NTN5: variants seen among roughly 807,000 people sequenced by gnomAD.
NTN5 encodes netrin 5, also known as netrin-5.
A neutral mutation model predicts 38.7 loss-of-function variants in NTN5; 42 were observed. The observed-to-expected ratio is 1.08, with a 90% CI of 0.85 to 1.40. The LOEUF (loss-of-function observed/expected upper bound fraction) is 1.40, where lower values mean the gene tolerates loss of function less well. Among genes scored for constraint, NTN5 ranks in the 40% most tolerant of loss-of-function variants. NTN5 has a pLI of 0.00. For synonymous variants in NTN5, 329 were observed against 303.9 expected (o/e 1.08, Z -0.86); for missense variants, 658 against 716.5 (o/e 0.92, Z 0.93).
rs765806026 is a variant in NTN5, at chr19:48,669,963, T to TCA, written c.631+391_631+392dup. On this transcript the variant is annotated intron_variant, in intron 2 of 6. Coordinates refer to ENST00000270235, the MANE Select transcript of NTN5 (RefSeq NM_145807.4). ...ATCACCATCACCACCACCATCACCATCACCACCATCATCACCATCATCACC... is the reference window on the plus strand; with the variant it reads ...ATCACCATCACCACCACCATCACCATCACACCACCATCATCACCATCATCACC... 8.2e-3 allele frequency among the ~76,000 whole-genome samples: 93 copies of TCA among 11,364 alleles called. 6 individuals are homozygous for TCA. The highest frequency in any genetic ancestry group is 9.0e-3 in the Non-Finnish European group (53 of 5,888). The allele number at this position is 11,364 out of a possible 152,430, so 7.5% of individuals were successfully genotyped here.
At chr19:48,663,400 G>T in intron 6 of NTN5, 63 bp downstream of exon 6, 1 of 1,406,444 alleles carries the variant, frequency 7.1e-7, no homozygotes, top group Non-Finnish European at 1.0e-6. Flanking sequence ...AAAGGGGGTG[G>T]CTTAGAAGCA....
intron 2 of NTN5, among the ~76,000 whole-genome samples, chr19:48,669,306 C>T (rs1412085177): frequency 4.5e-5 from 1 of 22,276 alleles, no homozygotes; most frequent in Non-Finnish European, 1.1e-4. Context: ...ATCACCACCA[C>T]CACCATCACC....
rs1568452233 is a variant in NTN5, at chr19:48,669,558, CCACCACCATCACCACCAT to C, written c.631+780_631+797del. Among the ~76,000 whole-genome samples the C allele has an allele frequency of 7.6e-3, 34 of 4,486 alleles. 2 individuals carry two copies. Among genetic ancestry groups the C allele is most frequent in the African/African-American group, 0.017 (30 of 1,812 alleles). The allele number at this position is 4,486 out of a possible 152,430, so 2.9% of individuals were successfully genotyped here. A position where few individuals can be genotyped will look rare whatever the true frequency, so the allele number is the denominator to read the frequency against. ...ACCACCATCACCACCACCACCATCA[CCACCACCATCACCACCAT>C]CACCACCACGACCACCATCACCACC... On this transcript the variant is annotated intron_variant, in intron 2 of 6. Coordinates refer to ENST00000270235, the MANE Select transcript of NTN5 (RefSeq NM_145807.4).
intron 2 of NTN5, among the ~76,000 whole-genome samples, chr19:48,666,175 G>A (rs1249234657): frequency 4.6e-5 from 7 of 152,128 alleles, no homozygotes; most frequent in African/African-American, 7.2e-5. Flanking sequence ...TACAGCTAGC[G>A]GGTAGTTGGA....
At position 48,670,922 on chromosome 19, in the gene NTN5, G is replaced by A. The variant is rs760309180; in HGVS notation, c.65C>T (p.Pro22Leu). 5 of 1,596,692 alleles carry A rather than the reference G, an allele frequency of 3.1e-6. No individual in the cohort carries two copies. In the South Asian group the frequency reaches 4.5e-5, roughly 14 times the overall value. ...GQATADPCYDPQGRPQFCLPP... is the reference protein window; with the variant it reads ...GQATADPCYDLQGRPQFCLPP... ...GAGGCAGAATTGGGGGCGGCCCTGT[G>A]GATCGTAGCATGGGTCCGCAGTGGC... is the stretch of plus-strand genomic sequence containing the variant. The change falls in exon 2 of 7, where the codon CCA (proline) becomes CTA (leucine). Residue 22 changes from proline to leucine, a missense_variant. By Grantham distance (98) the Pro-to-Leu change is moderately conservative. Coordinates refer to ENST00000270235, the MANE Select transcript of NTN5 (RefSeq NM_145807.4).
chr19:48,670,520 C>T lies in NTN5; in HGVS notation c.467G>A (p.Arg156His), dbSNP rs746458862. 22 of 1,486,010 alleles carry T rather than the reference C, an allele frequency of 1.5e-5. No individual in the cohort carries two copies. Among genetic ancestry groups the T allele is most frequent in the South Asian group, 8.1e-5 (6 of 73,862 alleles). The allele number at this position is 1,486,010 out of a possible 1,614,324, so 92.1% of individuals were successfully genotyped here. The change falls in exon 2 of 7, where the codon CGC (arginine) becomes CAC (histidine). Residue 156 changes from arginine (R) to histidine (H), a missense_variant. Arg to His is a conservative substitution (Grantham distance 29). Transcript: ENST00000270235. ...GGCAGCGTGGCCATGACACTGGCAG[C>T]GGCCTCTCAGCCCAGCTGCCGCTAG... ...AGLAAAGLRGRCQCHGHAARC... is the reference protein window; with the variant it reads ...AGLAAAGLRGHCQCHGHAARC...
chr19:48,663,064 T>C (rs987413958), intron 6 of NTN5: 1 of 383,170 alleles, frequency 2.6e-6, no homozygotes, highest in African/African-American at 2.1e-5. Flanking sequence ...GTGGGACAAG[T>C]CTTTATGGGA....
intron 2 of NTN5, 149 bp downstream of exon 2, chr19:48,670,207 G>A: frequency 1.3e-6 from 1 of 741,636 alleles, no homozygotes. Flanking sequence ...GCTGCAGGGA[G>A]GAGGTATGAG....
At chr19:48,662,092 C>T (rs767179512) in intron 6 of NTN5, 51 bp from the exon 7 acceptor site, 2 of 1,374,800 alleles carry the variant, frequency 1.5e-6, no homozygotes, top group Admixed American at 3.6e-5. Context: ...TCCAGGGTAC[C>T]TCTGGGTCCC....
intron 1 of NTN5, among the ~76,000 whole-genome samples, chr19:48,672,642 CTT>C (rs10558614): frequency 0.25 from 38,583 of 152,020 alleles, 6,683 homozygotes; most frequent in African/African-American, 0.5. Context: ...CCCATGTCCC[CTT>C]TCTCTCTGGA....
chr19:48,669,150 CCACCAT>C (rs1371843390), intron 2 of NTN5, among the ~76,000 whole-genome samples: 5 of 102,186 alleles, frequency 4.9e-5, no homozygotes, highest in East Asian at 3.1e-4. Flanking sequence ...ACCATCATCA[CCACCAT>C]CACCACCACC....
chr19:48,665,880 T>C (rs2031691982), intron 2 of NTN5, among the ~76,000 whole-genome samples: 1 of 152,102 alleles, frequency 6.6e-6, no homozygotes, highest in African/African-American at 2.4e-5. Context: ...TTTAGCCTTG[T>C]CGGTCTCTCT....
chr19:48,661,457 T>A lies in NTN5; in HGVS notation c.*220A>T. On this transcript the variant is annotated 3_prime_UTR_variant, in exon 7 of 7. Coordinates refer to ENST00000270235, the MANE Select transcript of NTN5 (RefSeq NM_145807.4). ...GGGGAAACAGATCACTGGCGGGGAA[T>A]AAGCCACAGGCCAAAGGAGGAAATG... The A allele has an allele frequency of 2.2e-6, 1 of 459,416 alleles. No homozygotes were observed. Among genetic ancestry groups the A allele is most frequent in the Non-Finnish European group, 3.6e-6 (1 of 274,278 alleles). 28.5% of individuals were successfully genotyped at this position (459,416 alleles called of 1,614,324 possible).
chr19:48,664,524 CA>C, intron 3 of NTN5, 54 bp downstream of exon 3: 1 of 1,498,610 alleles, frequency 6.7e-7, no homozygotes, highest in Non-Finnish European at 8.9e-7. Flanking sequence ...CCCTCAGCCC[CA>C]GGAGTCCAGC....
chr19:48,664,234 C>T lies in NTN5; in HGVS notation c.879G>A (p.Gln293=). ...TGGTCNQTSG[Q]CTCKLGVTGL... is the part of the protein sequence containing the mutation. Reference sequence around the variant, plus strand: ...CTGTGACCCCTAACTTGCAGGTGCACTGCCCACTGGTCTGGTTGCAGGTTC... The same window carrying T: ...CTGTGACCCCTAACTTGCAGGTGCATTGCCCACTGGTCTGGTTGCAGGTTC... The change falls in exon 4 of 7, where the codon CAG becomes CAA. Residue 293 remains glutamine, a synonymous_variant. Coordinates refer to ENST00000270235, the MANE Select transcript of NTN5 (RefSeq NM_145807.4). 6.2e-7 allele frequency: 1 copy of T among 1,612,594 alleles called. No individual in the cohort carries two copies. The highest frequency in any genetic ancestry group is 8.5e-7 in the Non-Finnish European group (1 of 1,179,436).
chr19:48,668,647 C>G (rs1202269982), intron 2 of NTN5, among the ~76,000 whole-genome samples: 2 of 152,192 alleles, frequency 1.3e-5, no homozygotes, highest in African/African-American at 4.8e-5. Context: ...GAGCTCAGAT[C>G]CTGGCCCTGC....
intron 6 of NTN5, among the ~76,000 whole-genome samples, chr19:48,662,308 A>AT (rs72383944): frequency 0.039 from 6,000 of 151,962 alleles, 382 homozygotes; most frequent in African/African-American, 0.14. Flanking sequence ...CAGGGTCTCT[A>AT]ATGCAGTGGA....
intron 5 of NTN5, 49 bp from the exon 6 acceptor site, chr19:48,663,592 A>T: frequency 6.3e-7 from 1 of 1,580,684 alleles, no homozygotes; most frequent in Non-Finnish European, 8.7e-7. Context: ...CCTAGACCAC[A>T]GCCTTCTGCC....
rs746939538 is a variant in NTN5 at position 48,664,284 on chromosome 19, A to G, written c.829T>C (p.Cys277Arg). ...FSRRACRACQ[C>R]HPIGATGGTC... The stretch of plus-strand genomic sequence containing the variant: ...CCTCCTGTTGCCCCAATAGGGTGGC[A>G]CTGGCAGGCTACATGAGCAGAGGAG... Residue 277 changes from cysteine to arginine, a missense_variant, in exon 4 of 7, where the codon TGC becomes CGC. Transcript: ENST00000270235. 3.7e-6 allele frequency: 6 copies of G among 1,612,944 alleles called. No homozygotes were observed. In the East Asian group the frequency reaches 1.3e-4, roughly 36 times the overall value.
Sources: allele counts gnomAD v4.1 joint callset (sites outside exome capture counted in the v4.1 genomes callset), GRCh38; gene constraint gnomAD v4.1.1; transcripts MANE v1.5; gene names NCBI Gene and HGNC (gene_info 2026-07-23, HGNC 2026-07-21).